The following PLCL1 variants were observed in gnomAD, a reference collection of about 807,000 sequenced individuals.
The protein encoded by PLCL1 is phospholipase C like 1 (inactive).
Under a neutral mutation model 84.4 loss-of-function variants are expected in PLCL1, and 41 were observed. That is an observed-to-expected ratio of 0.49 (90% confidence interval 0.38 to 0.63). The LOEUF is 0.63. PLCL1 is among the 30% of genes least tolerant of loss of function. PLCL1 has a pLI of 0.00. For synonymous variants in PLCL1, 490 were observed against 488.3 expected (o/e 1.00, Z -0.05); for missense variants, 1,206 against 1,367.8 (o/e 0.88, Z 1.87).
intron 5 of PLCL1, among the ~76,000 whole-genome samples, chr2:198,115,482 A>G (rs758021165): frequency 1.3e-4 from 20 of 151,732 alleles, no homozygotes; most frequent in Non-Finnish European, 1.0e-4. Context: ...GGATGAGGGG[A>G]TTTCTTAACC....
chr2:198,075,081 C>A (rs997555209), intron 1 of PLCL1, among the ~76,000 whole-genome samples: 6 of 152,180 alleles, frequency 3.9e-5, no homozygotes, highest in Non-Finnish European at 7.3e-5. Context: ...GACATGACAT[C>A]CTGTTTTCCA....
At chr2:197,930,986 A>T (rs1017859019) in intron 1 of PLCL1, among the ~76,000 whole-genome samples, 2 of 152,154 alleles carry the variant, frequency 1.3e-5, no homozygotes, top group Admixed American at 6.6e-5. Context: ...CTGAATGAGC[A>T]GGGGCTGTGG....
Position 198,101,640 on chromosome 2 carries a change from G to A in PLCL1, c.2995+280G>A, listed in dbSNP as rs567605682. 5.3e-5 allele frequency among the ~76,000 whole-genome samples: 8 copies of A among 151,972 alleles called. No homozygotes were observed. The South Asian group carries it at 1.5e-3, about 28-fold the overall frequency. The stretch of plus-strand genomic sequence containing the variant: ...TTTCTGAATCTAGTTTTGTGGTTTG[G>A]AACCCCATCAAAACCTTCTACTGCT... On this transcript the variant is annotated intron_variant, in intron 4 of 5. Transcript: ENST00000428675.
intron 1 of PLCL1, among the ~76,000 whole-genome samples, chr2:198,070,778 A>G (rs1692444940): frequency 6.6e-6 from 1 of 151,994 alleles, no homozygotes; most frequent in African/African-American, 2.4e-5. Context: ...CTTAAAAAAG[A>G]TGGATGTCAT....
At chr2:197,941,439 G>A (rs1372726400) in intron 1 of PLCL1, among the ~76,000 whole-genome samples, 1 of 152,024 alleles carries the variant, frequency 6.6e-6, no homozygotes, top group African/African-American at 2.4e-5. Context: ...CTGCAGATGT[G>A]TGATATCATG....
intron 1 of PLCL1, among the ~76,000 whole-genome samples, chr2:197,827,128 C>G (rs577975742): frequency 6.6e-6 from 1 of 152,304 alleles, no homozygotes; most frequent in Non-Finnish European, 1.5e-5. Flanking sequence ...CTGATTAATT[C>G]TCCAGAGTAG....
chr2:197,888,752 T>G (rs190870404), intron 1 of PLCL1, among the ~76,000 whole-genome samples: 2 of 152,190 alleles, frequency 1.3e-5, no homozygotes, highest in African/African-American at 4.8e-5. Flanking sequence ...ACAAAACTAA[T>G]TTTTATATTT....
intron 3 of PLCL1, among the ~76,000 whole-genome samples, chr2:198,089,441 A>G (rs1692966058): frequency 6.6e-6 from 1 of 152,216 alleles, no homozygotes; most frequent in Non-Finnish European, 1.5e-5. Context: ...GACAAAATTT[A>G]TATAGAATCT....
intron 5 of PLCL1, among the ~76,000 whole-genome samples, chr2:198,142,669 A>G (rs1294724497): frequency 2.0e-5 from 3 of 152,168 alleles, no homozygotes; most frequent in Non-Finnish European, 4.4e-5. Flanking sequence ...CAGAAGCCAA[A>G]TCACTGTGGA....
Position 197,844,755 on chromosome 2 carries a change from TG to T in PLCL1, c.240+39417del, listed in dbSNP as rs529934862. 4.5e-4 allele frequency among the ~76,000 whole-genome samples: 68 copies of T among 152,246 alleles called. 2 individuals carry two copies. In the South Asian group the frequency reaches 1.0e-2, roughly 22 times the overall value. ...AAACGTTTTTAAAGTAAATATTACC[TG>T]AAAAAAACTAGTTTGTTGTAGGATT... On this transcript the variant is annotated intron_variant, in intron 1 of 5. Coordinates refer to ENST00000428675, the MANE Select transcript of PLCL1 (RefSeq NM_006226.4).
At chr2:197,867,929 C>T (rs982371263) in intron 1 of PLCL1, among the ~76,000 whole-genome samples, 7 of 152,172 alleles carry the variant, frequency 4.6e-5, no homozygotes, top group African/African-American at 1.7e-4. Context: ...AGTTATACCT[C>T]TTTAACCACT....
At chr2:198,030,487 A>G (rs934126961) in intron 1 of PLCL1, among the ~76,000 whole-genome samples, 6 of 152,114 alleles carry the variant, frequency 3.9e-5, no homozygotes, top group African/African-American at 1.4e-4. Context: ...AGAAGATGGT[A>G]ATGGGGTTTT....
At chr2:197,909,669 G>C (rs924433775) in intron 1 of PLCL1, among the ~76,000 whole-genome samples, 8 of 152,164 alleles carry the variant, frequency 5.3e-5, no homozygotes, top group Non-Finnish European at 8.8e-5. Flanking sequence ...CTCTCTGAGG[G>C]TATTTGGAAT....
At chr2:197,988,527 C>A (rs1045994349) in intron 1 of PLCL1, among the ~76,000 whole-genome samples, 5 of 152,176 alleles carry the variant, frequency 3.3e-5, no homozygotes, top group Non-Finnish European at 5.9e-5. Flanking sequence ...CTGGCTCCAT[C>A]CAAGTTGCTG....
intron 1 of PLCL1, among the ~76,000 whole-genome samples, chr2:197,984,639 A>G (rs1413693431): frequency 6.6e-6 from 1 of 152,206 alleles, no homozygotes; most frequent in Non-Finnish European, 1.5e-5. Context: ...AATTTGCAAA[A>G]GAGATTTGTA....
chr2:197,852,246 G>T (rs1423685486), intron 1 of PLCL1, among the ~76,000 whole-genome samples: 1 of 152,160 alleles, frequency 6.6e-6, no homozygotes, highest in Admixed American at 6.5e-5. Flanking sequence ...GGGGGAGGGA[G>T]CAGGGAGGAT....
At chr2:197,901,275 T>C (rs1688261549) in intron 1 of PLCL1, among the ~76,000 whole-genome samples, 1 of 152,156 alleles carries the variant, frequency 6.6e-6, no homozygotes, top group Admixed American at 6.5e-5. Flanking sequence ...TTATAAGGCA[T>C]AGGAAGTTAA....
chr2:198,113,708 A>C (rs893397893), intron 5 of PLCL1, among the ~76,000 whole-genome samples: 1 of 151,846 alleles, frequency 6.6e-6, no homozygotes, highest in Non-Finnish European at 1.5e-5. Flanking sequence ...AAAAGAAAAC[A>C]CATCAAAATA....
intron 1 of PLCL1, among the ~76,000 whole-genome samples, chr2:197,813,064 G>A (rs1437637953): frequency 6.6e-6 from 1 of 152,186 alleles, no homozygotes; most frequent in African/African-American, 2.4e-5. Context: ...TAGACAATAA[G>A]GAGTCAGAGA....
Sources: gnomAD v4.1 joint callset for allele counts (sites outside exome capture counted in the v4.1 genomes callset) on GRCh38, gnomAD v4.1.1 for gene constraint, MANE v1.5 for transcripts, NCBI Gene and HGNC (gene_info 2026-07-23, HGNC 2026-07-21) for gene names.